CYP39A1: variants seen among roughly 807,000 people sequenced by gnomAD.
CYP39A1 encodes the protein cytochrome P450 family 39 subfamily A member 1, also known as 24-hydroxycholesterol 7-alpha-hydroxylase.
CYP39A1 carries 49 observed loss-of-function variants against 58.1 expected under a neutral mutation model. The ratio of observed to expected loss-of-function variants is 0.84; its 90% confidence interval spans 0.67 to 1.07. The LOEUF is 1.07. Among genes scored for constraint, CYP39A1 ranks in the 50% least tolerant of loss-of-function variants. The probability of loss-of-function intolerance (pLI) is 0.00; values close to 1 mark genes in which losing one functional copy is unlikely to be tolerated. For synonymous variants in CYP39A1, 209 were observed against 187.6 expected (o/e 1.11, Z -0.93); for missense variants, 531 against 539.4 (o/e 0.98, Z 0.16).
chr6:46,650,321 C>A (rs1009353060), intron 1 of CYP39A1, among the ~76,000 whole-genome samples: 1 of 150,792 alleles, frequency 6.6e-6, no homozygotes, highest in African/African-American at 2.4e-5. Flanking sequence ...AGCCTTCCTG[C>A]ATGAAGGTTG....
At chr6:46,566,829 G>C (rs1460206916) in intron 10 of CYP39A1, among the ~76,000 whole-genome samples, 6 of 145,518 alleles carry the variant, frequency 4.1e-5, no homozygotes, top group South Asian at 4.3e-4. Context: ...CACAAAATGA[G>C]ATGATTATAT....
intron 10 of CYP39A1, among the ~76,000 whole-genome samples, chr6:46,567,590 T>C (rs1252348524): frequency 6.6e-6 from 1 of 152,114 alleles, no homozygotes; most frequent in Non-Finnish European, 1.5e-5. Context: ...CCACCAATAA[T>C]GCACAAAGGT....
chr6:46,581,598 A>C (rs928678353), intron 10 of CYP39A1, among the ~76,000 whole-genome samples: 2 of 152,154 alleles, frequency 1.3e-5, no homozygotes, highest in Non-Finnish European at 2.9e-5. Context: ...TCTCACTTAC[A>C]AGTGGGAGCT....
chr6:46,597,235 G>T (rs1346134193), intron 7 of CYP39A1, among the ~76,000 whole-genome samples: 1 of 152,012 alleles, frequency 6.6e-6, no homozygotes, highest in Non-Finnish European at 1.5e-5. Flanking sequence ...TACCACGTAG[G>T]GACCAGGAGC....
intron 8 of CYP39A1, among the ~76,000 whole-genome samples, chr6:46,590,768 C>T (rs1290732079): frequency 6.6e-6 from 1 of 152,074 alleles, no homozygotes; most frequent in Non-Finnish European, 1.5e-5. Context: ...AAACTTTAAA[C>T]ATAGTTTTGA....
intron 7 of CYP39A1, among the ~76,000 whole-genome samples, chr6:46,600,999 C>T (rs1300951310): frequency 6.6e-6 from 1 of 151,990 alleles, no homozygotes; most frequent in Admixed American, 6.6e-5. Flanking sequence ...GGGACTGAGC[C>T]CCTAACCTGT....
intron 7 of CYP39A1, among the ~76,000 whole-genome samples, chr6:46,598,135 C>T (rs187812718): frequency 6.4e-4 from 98 of 152,096 alleles, no homozygotes; most frequent in Middle Eastern, 3.4e-3. Context: ...CAACCAAATA[C>T]GAAAAATGCT....
Position 46,588,169 on chromosome 6 carries a change from T to A in CYP39A1, c.1066-40A>T, listed in dbSNP as rs774724120. ...TCAGCTGCAAATCATTTTTTTGAAA[T>A]ATACTTTAAAGAGAATTTGGGCCAC... On this transcript the variant is annotated intron_variant, in intron 8 of 11. Coordinates refer to ENST00000275016, the MANE Select transcript of CYP39A1 (RefSeq NM_016593.5). 3 of 1,316,802 alleles carry A rather than the reference T, an allele frequency of 2.3e-6. No homozygotes were observed. The African/African-American group carries it at 4.4e-5, about 19-fold the overall frequency. The allele number at this position is 1,316,802 out of a possible 1,614,324, so 81.6% of individuals were successfully genotyped here.
At chr6:46,634,507 CT>C (rs147533342) in intron 5 of CYP39A1, among the ~76,000 whole-genome samples, 1 of 139,032 alleles carries the variant, frequency 7.2e-6, no homozygotes, top group African/African-American at 2.7e-5. Context: ...GGGAATTTTA[CT>C]TTTTTTTTCT....
At chr6:46,588,190 G>A (rs1222797627) in intron 8 of CYP39A1, 61 bp from the exon 9 acceptor site, 2 of 1,021,600 alleles carry the variant, frequency 2.0e-6, no homozygotes, top group Non-Finnish European at 2.9e-6. Flanking sequence ...GAGAATTTGG[G>A]CCACTAAAAA....
At chr6:46,640,506 T>C (rs1776262863) in intron 2 of CYP39A1, among the ~76,000 whole-genome samples, 1 of 152,222 alleles carries the variant, frequency 6.6e-6, no homozygotes, top group Non-Finnish European at 1.5e-5. Context: ...GTGCTCCTTC[T>C]ATAACACACA....
chr6:46,575,684 T>C (rs1490004384), intron 10 of CYP39A1, among the ~76,000 whole-genome samples: 1 of 152,186 alleles, frequency 6.6e-6, no homozygotes, highest in African/African-American at 2.4e-5. Context: ...TCAAGTGTTG[T>C]TGCCAACAGA....
At chr6:46,644,250 G>A (rs1776515052) in intron 1 of CYP39A1, among the ~76,000 whole-genome samples, 1 of 152,186 alleles carries the variant, frequency 6.6e-6, no homozygotes, top group East Asian at 1.9e-4. Context: ...TTTGGGGACT[G>A]GCTTTTCATT....
At chr6:46,574,693 T>C (rs1439557343) in intron 10 of CYP39A1, among the ~76,000 whole-genome samples, 1 of 152,094 alleles carries the variant, frequency 6.6e-6, no homozygotes, top group African/African-American at 2.4e-5. Flanking sequence ...TAGATACATA[T>C]CCTGCCCAGG....
At chr6:46,557,358 C>T (rs894886850) in intron 10 of CYP39A1, among the ~76,000 whole-genome samples, 4 of 151,252 alleles carry the variant, frequency 2.6e-5, no homozygotes, top group African/African-American at 2.4e-5. Context: ...AAAATCATGC[C>T]GACTGGGTGC....
At chr6:46,637,737 G>T in intron 4 of CYP39A1, 92 bp downstream of exon 4, 1 of 1,362,534 alleles carries the variant, frequency 7.3e-7, no homozygotes, top group Non-Finnish European at 1.0e-6. Context: ...CACTTAAACT[G>T]CTGTTACATC....
At chr6:46,575,577 A>G (rs895526351) in intron 10 of CYP39A1, among the ~76,000 whole-genome samples, 1 of 152,030 alleles carries the variant, frequency 6.6e-6, no homozygotes, top group Non-Finnish European at 1.5e-5. Flanking sequence ...ATTGATGTGC[A>G]CTCACTCATA....
chr6:46,589,767 C>A (rs770883079), intron 8 of CYP39A1, among the ~76,000 whole-genome samples: 2 of 151,938 alleles, frequency 1.3e-5, no homozygotes, highest in South Asian at 4.1e-4. Flanking sequence ...CACAGAGGGC[C>A]GTGATGTGTA....
chr6:46,552,880 C>T (rs1469729233), intron 11 of CYP39A1, among the ~76,000 whole-genome samples: 2 of 151,910 alleles, frequency 1.3e-5, no homozygotes, highest in Non-Finnish European at 2.9e-5. Context: ...AACAACATCT[C>T]TACTAAAAAT....
Sources: allele counts gnomAD v4.1 joint callset (sites outside exome capture counted in the v4.1 genomes callset), GRCh38; gene constraint gnomAD v4.1.1; transcripts MANE v1.5; gene names NCBI Gene and HGNC (gene_info 2026-07-23, HGNC 2026-07-21).